Variants in ASXL3 observed in about 807,000 individuals in gnomAD.
ASXL3 encodes the protein ASXL transcriptional regulator 3.
Under a neutral mutation model 170.6 loss-of-function variants are expected in ASXL3, and 34 were observed. The observed-to-expected ratio is 0.20, with a 90% CI of 0.15 to 0.27. The LOEUF (loss-of-function observed/expected upper bound fraction) is 0.27, where lower values mean the gene tolerates loss of function less well. Among genes scored for constraint, ASXL3 ranks in the 10% least tolerant of loss-of-function variants. The probability of loss-of-function intolerance (pLI) is 1.00; values close to 1 mark genes in which losing one functional copy is unlikely to be tolerated. For missense variants in ASXL3, 2,592 were observed against 2,695.3 expected, an observed-to-expected ratio of 0.96 and a Z score of 0.85; for synonymous variants, 1,002 against 989.1, an observed-to-expected ratio of 1.01 and a Z score of -0.24.
intron 8 of ASXL3, among the ~76,000 whole-genome samples, chr18:33,704,965 T>G (rs1469004991): frequency 6.6e-6 from 1 of 151,906 alleles, no homozygotes; most frequent in Non-Finnish European, 1.5e-5. Flanking sequence ...TAAATTTTTC[T>G]TTTAATGTTT....
chr18:33,724,377 G>A (rs971955317), intron 8 of ASXL3, among the ~76,000 whole-genome samples: 1 of 151,918 alleles, frequency 6.6e-6, no homozygotes, highest in Admixed American at 6.6e-5. Context: ...CTGAATACTT[G>A]GTTCTCACAA....
chr18:33,709,603 C>G (rs1237776725), intron 8 of ASXL3, among the ~76,000 whole-genome samples: 2 of 152,132 alleles, frequency 1.3e-5, no homozygotes, highest in South Asian at 2.1e-4. Flanking sequence ...TGTTAGATTA[C>G]TCTTAGGGAT....
intron 2 of ASXL3, among the ~76,000 whole-genome samples, chr18:33,613,764 A>G (rs1408704420): frequency 1.3e-5 from 2 of 152,116 alleles, no homozygotes; most frequent in African/African-American, 4.8e-5. Context: ...TCTATAAAAA[A>G]TAAAATATTA....
chr18:33,654,217 T>A (rs1009937274), intron 4 of ASXL3, among the ~76,000 whole-genome samples: 2 of 152,068 alleles, frequency 1.3e-5, no homozygotes, highest in Non-Finnish European at 2.9e-5. Flanking sequence ...AACTAAAGAT[T>A]GAGAACAGAA....
At chr18:33,612,012 A>C (rs1198501898) in intron 2 of ASXL3, among the ~76,000 whole-genome samples, 1 of 152,072 alleles carries the variant, frequency 6.6e-6, no homozygotes, top group Non-Finnish European at 1.5e-5. Flanking sequence ...TGCATGACTT[A>C]CATAGTGAGA....
At chr18:33,582,704 T>TTC (rs1555715522) in intron 1 of ASXL3, among the ~76,000 whole-genome samples, 1 of 132,630 alleles carries the variant, frequency 7.5e-6, no homozygotes, top group African/African-American at 2.9e-5. Context: ...GTTGGTTTTT[T>TTC]TCTGTGTGTG....
At chr18:33,634,910 T>C (rs2065741314) in intron 2 of ASXL3, among the ~76,000 whole-genome samples, 1 of 152,152 alleles carries the variant, frequency 6.6e-6, no homozygotes, top group Non-Finnish European at 1.5e-5. Context: ...AGTGTGGTGG[T>C]AGACTGCACA....
At chr18:33,652,865 G>T (rs1206165352) in intron 4 of ASXL3, among the ~76,000 whole-genome samples, 2 of 151,990 alleles carry the variant, frequency 1.3e-5, no homozygotes, top group African/African-American at 2.4e-5. Flanking sequence ...TGTTAAGGAG[G>T]CCTGAAGTGT....
chr18:33,722,415 G>A (rs942027336), intron 8 of ASXL3, among the ~76,000 whole-genome samples: 32 of 152,108 alleles, frequency 2.1e-4, no homozygotes, highest in African/African-American at 7.5e-4. Context: ...TGATGAGAAA[G>A]TGAAACACCT....
At chr18:33,719,092 T>A (rs570184674) in intron 8 of ASXL3, among the ~76,000 whole-genome samples, 1 of 152,222 alleles carries the variant, frequency 6.6e-6, no homozygotes, top group South Asian at 2.1e-4. Flanking sequence ...AGTGGATTCT[T>A]GTTAGCTAAG....
intron 1 of ASXL3, among the ~76,000 whole-genome samples, chr18:33,588,384 A>G (rs1250642518): frequency 6.6e-6 from 1 of 150,888 alleles, no homozygotes; most frequent in Non-Finnish European, 1.5e-5. Context: ...GGAGGTCATA[A>G]AGTATTTCAT....
intron 5 of ASXL3, among the ~76,000 whole-genome samples, chr18:33,666,623 A>C (rs1350559144): frequency 6.6e-6 from 1 of 152,186 alleles, no homozygotes; most frequent in Admixed American, 6.5e-5. Context: ...ATGTAGCATA[A>C]AGTAAAGTAG....
At chr18:33,706,252 C>T (rs1054342733) in intron 8 of ASXL3, among the ~76,000 whole-genome samples, 1 of 151,742 alleles carries the variant, frequency 6.6e-6, no homozygotes, top group African/African-American at 2.4e-5. Context: ...AGATATCAGG[C>T]TACCAATAAT....
At chr18:33,628,973 A>G (rs1176372320) in intron 2 of ASXL3, among the ~76,000 whole-genome samples, 1 of 152,134 alleles carries the variant, frequency 6.6e-6, no homozygotes, top group Non-Finnish European at 1.5e-5. Context: ...TTTCAGGTGT[A>G]GTCAGAGAGG....
rs1275403736 is a variant in ASXL3, at chr18:33,676,040, C to T, written c.715+4174C>T. Reference sequence around the variant, plus strand: ...GAGATCGAGACCATCCTGGCTAACACAGTGAAACCCCGTCTCTACTAAAAC... The same window carrying T: ...GAGATCGAGACCATCCTGGCTAACATAGTGAAACCCCGTCTCTACTAAAAC... On this transcript the variant is annotated intron_variant, in intron 7 of 11. Coordinates refer to ENST00000269197, the MANE Select transcript of ASXL3 (RefSeq NM_030632.3). Among the ~76,000 whole-genome samples, 4 of 151,558 alleles carry T rather than the reference C, an allele frequency of 2.6e-5. No homozygotes were observed. The East Asian group carries it at 5.9e-4, about 22-fold the overall frequency.
intron 8 of ASXL3, among the ~76,000 whole-genome samples, chr18:33,730,241 C>A (rs1178705572): frequency 6.6e-6 from 1 of 152,082 alleles, no homozygotes; most frequent in Non-Finnish European, 1.5e-5. Context: ...CATGCCCCCA[C>A]TAAAAAGAAT....
chr18:33,738,633 G>A lies in ASXL3; in HGVS notation c.1229G>A (p.Ser410Asn), dbSNP rs1007434379. 1 of 1,613,784 alleles carries A rather than the reference G, an allele frequency of 6.2e-7. No individual in the cohort carries two copies. Among genetic ancestry groups the A allele is most frequent in the Admixed American group, 1.7e-5 (1 of 59,970 alleles). Residue 410 changes from serine (S) to asparagine (N), a missense_variant, in exon 11 of 12, where the codon AGC (serine) becomes AAC (asparagine). Transcript: ENST00000269197. ...LAEQQPKSMKSPASPEPGFCA... is the reference protein window; with the variant it reads ...LAEQQPKSMKNPASPEPGFCA... ...GAACAACAGCCAAAAAGCATGAAAA[G>A]CCCAGCTTCTCCAGAGCCTGGTTTC...
intron 7 of ASXL3, among the ~76,000 whole-genome samples, chr18:33,674,188 T>G (rs1231698933): frequency 6.6e-6 from 1 of 152,224 alleles, no homozygotes; most frequent in Non-Finnish European, 1.5e-5. Flanking sequence ...CCATTCATTT[T>G]GGATAGAATC....
At position 33,750,989 on chromosome 18, in the gene ASXL3, C is replaced by A. The variant is rs1377806316; in HGVS notation, c.*4394C>A. Reference sequence around the variant, plus strand: ...TTTTGTTTAGAATTCAGGGATCATGCATTCTTTAATGGTGCTGTTTGTTTT... The same window carrying A: ...TTTTGTTTAGAATTCAGGGATCATGAATTCTTTAATGGTGCTGTTTGTTTT... On this transcript the variant is annotated 3_prime_UTR_variant, in exon 12 of 12. Coordinates refer to ENST00000269197, the MANE Select transcript of ASXL3 (RefSeq NM_030632.3). 1 of 152,070 alleles carries A rather than the reference C, an allele frequency of 6.6e-6. No individual in the cohort carries two copies. Among genetic ancestry groups the A allele is most frequent in the African/African-American group, 2.4e-5 (1 of 41,390 alleles). 9.4% of individuals were successfully genotyped at this position (152,070 alleles called of 1,614,324 possible).
Sources: allele counts gnomAD v4.1 joint callset (sites outside exome capture counted in the v4.1 genomes callset), GRCh38; gene constraint gnomAD v4.1.1; transcripts MANE v1.5; gene names NCBI Gene and HGNC (gene_info 2026-07-23, HGNC 2026-07-21).